ARHGAP15: variants seen among roughly 807,000 people sequenced by gnomAD.
ARHGAP15 encodes rho GTPase-activating protein 15.
A neutral mutation model predicts 63.7 loss-of-function variants in ARHGAP15; 51 were observed. That is an observed-to-expected ratio of 0.80 (90% CI 0.64 to 1.01). The LOEUF (loss-of-function observed/expected upper bound fraction) is 1.01, where lower values mean the gene tolerates loss of function less well. Among genes scored for constraint, ARHGAP15 ranks in the 50% least tolerant of loss-of-function variants. ARHGAP15 has a pLI of 0.00. For synonymous variants in ARHGAP15, 191 were observed against 193.8 expected (o/e 0.99, Z 0.12); for missense variants, 560 against 564.6 (o/e 0.99, Z 0.08).
chr2:143,135,366 G>A (rs1208994148), intron 1 of ARHGAP15, among the ~76,000 whole-genome samples: 1 of 152,058 alleles, frequency 6.6e-6, no homozygotes, highest in African/African-American at 2.4e-5. Flanking sequence ...TCTTTTGCTG[G>A]TTATTAGTCC....
intron 11 of ARHGAP15, among the ~76,000 whole-genome samples, chr2:143,574,365 G>C (rs1052876008): frequency 6.6e-6 from 1 of 152,056 alleles, no homozygotes; most frequent in African/African-American, 2.4e-5. Flanking sequence ...CAGGTCATTT[G>C]CTCATTTCAA....
intron 11 of ARHGAP15, among the ~76,000 whole-genome samples, chr2:143,599,858 A>G (rs572026738): frequency 6.6e-6 from 1 of 152,128 alleles, no homozygotes; most frequent in Non-Finnish European, 1.5e-5. Flanking sequence ...TAAATGGCTA[A>G]ATTATTTGCT....
At chr2:143,513,501 G>T (rs915233294) in intron 9 of ARHGAP15, among the ~76,000 whole-genome samples, 1 of 152,050 alleles carries the variant, frequency 6.6e-6, no homozygotes, top group Non-Finnish European at 1.5e-5. Context: ...GAGTCTATTT[G>T]CTGTCTCTAC....
At chr2:143,536,400 T>G (rs1054594030) in intron 10 of ARHGAP15, among the ~76,000 whole-genome samples, 22 of 152,232 alleles carry the variant, frequency 1.4e-4, no homozygotes, top group Admixed American at 3.3e-4. Flanking sequence ...TTATTTAAGT[T>G]TTAGGGTACA....
At chr2:143,312,436 A>G (rs753020454) in intron 6 of ARHGAP15, among the ~76,000 whole-genome samples, 20 of 152,094 alleles carry the variant, frequency 1.3e-4, no homozygotes, top group Non-Finnish European at 2.6e-4. Context: ...TTAACTTTCT[A>G]TATTATATGG....
intron 12 of ARHGAP15, among the ~76,000 whole-genome samples, chr2:143,654,150 G>A (rs536488840): frequency 6.0e-4 from 92 of 152,236 alleles, no homozygotes; most frequent in African/African-American, 1.8e-3. Context: ...GAGAATAGGG[G>A]TATTAGATCT....
chr2:143,417,806 C>T (rs1688750107), intron 6 of ARHGAP15, among the ~76,000 whole-genome samples: 1 of 152,106 alleles, frequency 6.6e-6, no homozygotes, highest in South Asian at 2.1e-4. Context: ...AAATTTAAGC[C>T]ATAGTCCAAA....
At chr2:143,415,323 A>G (rs1254130144) in intron 6 of ARHGAP15, among the ~76,000 whole-genome samples, 1 of 152,298 alleles carries the variant, frequency 6.6e-6, no homozygotes, top group East Asian at 1.9e-4. Context: ...AAACCATAAA[A>G]TTTAAAACCT....
intron 11 of ARHGAP15, among the ~76,000 whole-genome samples, chr2:143,568,179 TTAAAC>T (rs1488803907): frequency 1.3e-5 from 2 of 152,112 alleles, no homozygotes; most frequent in Non-Finnish European, 2.9e-5. Context: ...TGGGATCTAA[TTAAAC>T]TAAAGAGCTT....
At chr2:143,434,733 G>A (rs1339928863) in intron 6 of ARHGAP15, among the ~76,000 whole-genome samples, 1 of 152,120 alleles carries the variant, frequency 6.6e-6, no homozygotes, top group Non-Finnish European at 1.5e-5. Context: ...AATCTTCACA[G>A]TTCAGATTGA....
At chr2:143,452,382 G>A (rs7573190) in intron 8 of ARHGAP15, among the ~76,000 whole-genome samples, 150,283 of 152,038 alleles carry the variant, frequency 0.99, 74,301 homozygotes, top group Middle Eastern at 1. Context: ...AATACCTTCC[G>A]GGTTGGATAA....
chr2:143,229,113 T>C, intron 5 of ARHGAP15, among the ~76,000 whole-genome samples: 1 of 152,124 alleles, frequency 6.6e-6, no homozygotes, highest in East Asian at 1.9e-4. Context: ...TATTAAACCA[T>C]GTATGTGCAT....
At chr2:143,706,892 G>A (rs1684351767) in intron 13 of ARHGAP15, among the ~76,000 whole-genome samples, 1 of 152,060 alleles carries the variant, frequency 6.6e-6, no homozygotes, top group African/African-American at 2.4e-5. Flanking sequence ...CATATAAATG[G>A]CAAAACTGTC....
chr2:143,610,093 T>C (rs1218337165), intron 11 of ARHGAP15, among the ~76,000 whole-genome samples: 1 of 152,058 alleles, frequency 6.6e-6, no homozygotes, highest in Admixed American at 6.5e-5. Context: ...TGGGCCCAGA[T>C]GCTCAGGTCT....
At chr2:143,537,383 T>G (rs1272588917) in intron 10 of ARHGAP15, among the ~76,000 whole-genome samples, 1 of 152,186 alleles carries the variant, frequency 6.6e-6, no homozygotes, top group Non-Finnish European at 1.5e-5. Context: ...TTTAGTTTAA[T>G]TAGATCCCAT....
chr2:143,468,732 G>A (rs1691369706), intron 8 of ARHGAP15, among the ~76,000 whole-genome samples: 1 of 151,602 alleles, frequency 6.6e-6, no homozygotes, highest in Admixed American at 6.6e-5. Context: ...TGAATAAGTT[G>A]TGGCTGAGAC....
Position 143,465,908 on chromosome 2 carries a change from C to T in ARHGAP15, c.704-21465C>T, listed in dbSNP as rs186959590. Among the ~76,000 whole-genome samples the T allele has an allele frequency of 5.9e-5, 9 of 152,156 alleles. No individual in the cohort carries two copies. The East Asian group carries it at 1.7e-3, about 29-fold the overall frequency. ...CTCTCTTCCAAAAAGACAAAAAGTC[C>T]CTTGCATGGGTTGGATACTCTATGT... On this transcript the variant is annotated intron_variant, in intron 8 of 13. Transcript: ENST00000295095.
chr2:143,527,843 C>T (rs141993485), intron 10 of ARHGAP15, among the ~76,000 whole-genome samples: 100 of 152,080 alleles, frequency 6.6e-4, no homozygotes, highest in African/African-American at 2.3e-3. Context: ...ACCATTGCTA[C>T]CGATGCATAT....
chr2:143,162,817 A>G (rs187133), intron 2 of ARHGAP15, among the ~76,000 whole-genome samples: 62,486 of 151,836 alleles, frequency 0.41, 13,045 homozygotes, highest in Middle Eastern at 0.48. Flanking sequence ...TTTACATACA[A>G]TTGTATCAGC....
Sources: allele counts gnomAD v4.1 joint callset (sites outside exome capture counted in the v4.1 genomes callset), GRCh38; gene constraint gnomAD v4.1.1; transcripts MANE v1.5; gene names NCBI Gene and HGNC (gene_info 2026-07-23, HGNC 2026-07-21).